Variants in PLD3 observed in about 807,000 individuals in gnomAD.
PLD3 encodes 5'-3' exonuclease PLD3.
In PLD3, 31 loss-of-function variants were observed where a neutral mutation model predicts 58.4. The observed-to-expected ratio is 0.53, with a 90% CI of 0.40 to 0.72. PLD3 has a LOEUF of 0.72. PLD3 is among the 30% of genes least tolerant of loss of function. The pLI is 0.00. For synonymous variants in PLD3, 264 were observed against 273.4 expected (o/e 0.97, Z 0.34); for missense variants, 595 against 659.8 (o/e 0.90, Z 1.08).
intron 1 of PLD3, among the ~76,000 whole-genome samples, chr19:40,351,957 G>C (rs1464834406): frequency 2.6e-5 from 4 of 152,150 alleles, no homozygotes; most frequent in Non-Finnish European, 4.4e-5. Flanking sequence ...TTTATGTTGG[G>C]AGAAAGTTTC....
intron 10 of PLD3, 118 bp downstream of exon 10, chr19:40,374,738 T>C: frequency 1.8e-6 from 2 of 1,125,908 alleles, no homozygotes; most frequent in Non-Finnish European, 2.6e-6. Flanking sequence ...GAAGAGAAGC[T>C]GCAGGGAGAG....
chr19:40,371,661 G>A lies in PLD3; in HGVS notation c.679-12G>A. 1 of 1,602,508 alleles carries A rather than the reference G, an allele frequency of 6.2e-7. No homozygotes were observed. On this transcript the variant is annotated splice_polypyrimidine_tract_variant and intron_variant, in intron 8 of 12. Transcript: ENST00000409735. Reference sequence around the variant, plus strand: ...GGCCGCTATCGCTGAGCTCAGCACTGCCCTCCTACAGGTCAAGGAGCTGGG... The same window carrying A: ...GGCCGCTATCGCTGAGCTCAGCACTACCCTCCTACAGGTCAAGGAGCTGGG...
chr19:40,375,816 T>A (rs562130052), intron 10 of PLD3, among the ~76,000 whole-genome samples: 2 of 152,114 alleles, frequency 1.3e-5, no homozygotes, highest in South Asian at 4.2e-4. Flanking sequence ...CCCAACACTT[T>A]GGGAGGCCGA....
At position 40,376,556 on chromosome 19, in the gene PLD3, T is replaced by G. The variant is rs537262896; in HGVS notation, c.1020-53T>G. ...TCCCCAAAGCTGAGGGCAAAGCCTG[T>G]GGACACAGCCGCCCTCTGCATCCTG... On this transcript the variant is annotated intron_variant, in intron 10 of 12. Coordinates refer to ENST00000409735, the MANE Select transcript of PLD3 (RefSeq NM_012268.4). The G allele has an allele frequency of 1.3e-4, 201 of 1,560,674 alleles. 1 individual carries two copies. The Admixed American group carries it at 3.4e-3, about 27-fold the overall frequency.
chr19:40,375,016 C>T (rs2079159066), intron 10 of PLD3, among the ~76,000 whole-genome samples: 1 of 152,038 alleles, frequency 6.6e-6, no homozygotes, highest in South Asian at 2.1e-4. Flanking sequence ...ATTAGCCGGG[C>T]GTGGTGGCAC....
chr19:40,348,811 C>T (rs953352428), intron 1 of PLD3, 43 bp downstream of exon 1: 1 of 280,462 alleles, frequency 3.6e-6, no homozygotes, highest in African/African-American at 2.2e-5. Flanking sequence ...CTACCCTCCT[C>T]GTGTTGTCTT....
chr19:40,377,511 G>A (rs2079264007), intron 11 of PLD3, among the ~76,000 whole-genome samples: 1 of 151,974 alleles, frequency 6.6e-6, no homozygotes, highest in Admixed American at 6.6e-5. Flanking sequence ...GGCCAAGGAA[G>A]ATGTTCTGGA....
At chr19:40,365,462 A>G (rs1360708124) in intron 1 of PLD3, 1 of 151,988 alleles carries the variant, frequency 6.6e-6, no homozygotes, top group Admixed American at 6.6e-5. Context: ...CTTTATCGCT[A>G]CCTTTCTTCA....
intron 1 of PLD3, among the ~76,000 whole-genome samples, chr19:40,353,891 AT>A (rs1228045761): frequency 7.9e-6 from 1 of 127,362 alleles, no homozygotes; most frequent in African/African-American, 3.0e-5. Context: ...CCATGTTATT[AT>A]TTTTCTTTCT....
Position 40,370,234 on chromosome 19 carries a change from C to A in PLD3, c.675C>A (p.Thr225=). The A allele has an allele frequency of 6.2e-7, 1 of 1,612,406 alleles. No homozygotes were observed. Among genetic ancestry groups the A allele is most frequent in the Non-Finnish European group, 8.5e-7 (1 of 1,179,096 alleles). ...GSANMDWRSL[T]QVKELGVVMY... is the part of the protein sequence containing the mutation. ...CCAACATGGACTGGCGTTCACTGAC[C>A]CAGGTCTGTCTGCACCCTGTCTACC... The change falls in exon 8 of 13, where the codon ACC becomes ACA. Residue 225 remains threonine (T), a synonymous_variant. Transcript: ENST00000409735.
chr19:40,357,960 G>A (rs1216654187), intron 1 of PLD3: 1 of 152,284 alleles, frequency 6.6e-6, no homozygotes, highest in Middle Eastern at 3.4e-3. Context: ...GCTTAGAGAA[G>A]GGAACCTCTT....
intron 5 of PLD3, chr19:40,367,248 A>G (rs2145686906): frequency 3.4e-6 from 1 of 290,848 alleles, no homozygotes; most frequent in Middle Eastern, 9.5e-4. Context: ...TCAAATACAC[A>G]CAGTTTTAAA....
intron 9 of PLD3, among the ~76,000 whole-genome samples, chr19:40,373,585 A>AG (rs1368699897): frequency 1.3e-5 from 2 of 150,056 alleles, no homozygotes; most frequent in Non-Finnish European, 3.0e-5. Context: ...TCAAAAAAAA[A>AG]AAAAGGGGGG....
intron 8 of PLD3, 66 bp from the exon 9 acceptor site, chr19:40,371,607 G>T: frequency 9.4e-7 from 1 of 1,063,574 alleles, no homozygotes; most frequent in African/African-American, 1.6e-5. Flanking sequence ...GACCAGACTG[G>T]GGAGTGTCCC....
At chr19:40,363,335 A>G (rs1026161150) in intron 1 of PLD3, among the ~76,000 whole-genome samples, 1 of 144,756 alleles carries the variant, frequency 6.9e-6, no homozygotes, top group Non-Finnish European at 1.5e-5. Flanking sequence ...AACCGCCTCT[A>G]AGACTGATGT....
chr19:40,364,012 C>T (rs2078852280), intron 1 of PLD3, among the ~76,000 whole-genome samples: 1 of 152,072 alleles, frequency 6.6e-6, no homozygotes, highest in Non-Finnish European at 1.5e-5. Flanking sequence ...CAACCTACAC[C>T]GAGATATTTT....
chr19:40,350,719 G>C (rs1038798890), intron 1 of PLD3, among the ~76,000 whole-genome samples: 2 of 151,588 alleles, frequency 1.3e-5, no homozygotes, highest in African/African-American at 2.4e-5. Flanking sequence ...ACTCCAGCCT[G>C]GGTGACAGAG....
At chr19:40,365,514 C>G (rs546540282) in intron 1 of PLD3, 1 of 152,254 alleles carries the variant, frequency 6.6e-6, no homozygotes, top group South Asian at 2.1e-4. Context: ...ATTTTATAAG[C>G]GTTTTATTAA....
rs747119463 is a variant in PLD3, at chr19:40,367,692, C to A, written c.246-4C>A. 1.9e-6 allele frequency: 3 copies of A among 1,604,534 alleles called. No individual in the cohort carries two copies. Among genetic ancestry groups the A allele is most frequent in the Middle Eastern group, 1.7e-4 (1 of 6,022 alleles). ...TATGGCTGATAGCATCCCCCACCCC[C>A]CAGAGCAGTGCTGGTGGAAAGCATT... On this transcript the variant is annotated splice_polypyrimidine_tract_variant and splice_region_variant and intron_variant, in intron 5 of 12. Coordinates refer to ENST00000409735, the MANE Select transcript of PLD3 (RefSeq NM_012268.4).
Sources: gnomAD v4.1 joint callset for allele counts (sites outside exome capture counted in the v4.1 genomes callset) on GRCh38, gnomAD v4.1.1 for gene constraint, MANE v1.5 for transcripts, NCBI Gene and HGNC (gene_info 2026-07-23, HGNC 2026-07-21) for gene names.